ASB2: variants seen among roughly 807,000 people sequenced by gnomAD.
ASB2 encodes the protein ankyrin repeat and SOCS box containing 2.
In ASB2, 58 loss-of-function variants were observed where a neutral mutation model predicts 62.4. The ratio of observed to expected loss-of-function variants is 0.93; its 90% CI spans 0.75 to 1.16. The LOEUF (loss-of-function observed/expected upper bound fraction) is 1.16. Ranked by LOEUF, ASB2 falls within the 50% of genes most tolerant of loss-of-function variation. The pLI is 0.00. For synonymous variants in ASB2, 386 were observed against 385.3 expected, an observed-to-expected ratio of 1.00 and a Z score of -0.02; for missense variants, 928 against 887.9, an observed-to-expected ratio of 1.05 and a Z score of -0.57.
In ASB2 at chr14:93,964,432, C is replaced by A; in HGVS notation, c.108G>T (p.Glu36Asp). 1 of 1,536,104 alleles carries A rather than the reference C, an allele frequency of 6.5e-7. No individual in the cohort carries two copies. Among genetic ancestry groups the A allele is most frequent in the Non-Finnish European group, 8.7e-7 (1 of 1,146,894 alleles). The change falls in exon 2 of 10, where the codon GAG becomes GAT. Residue 36 changes from glutamate to aspartate, a missense_variant. Transcript: ENST00000555019. ...SEDELVQMAI[E>D]QSLADKTRGP... ...CCCTTGTCTTGTCCGCTAGGCTCTGCTCGATGGCCATCTGCACCAGTTCAT... is the reference window on the plus strand; with the variant it reads ...CCCTTGTCTTGTCCGCTAGGCTCTGATCGATGGCCATCTGCACCAGTTCAT...
At chr14:93,974,769 T>C (rs1889862324) in intron 1 of ASB2, among the ~76,000 whole-genome samples, 1 of 152,236 alleles carries the variant, frequency 6.6e-6, no homozygotes, top group African/African-American at 2.4e-5. Context: ...AACGATCACC[T>C]GTAACTCATG....
At chr14:93,943,730 G>A (rs1050611983) in intron 7 of ASB2, among the ~76,000 whole-genome samples, 9 of 152,342 alleles carry the variant, frequency 5.9e-5, no homozygotes, top group Middle Eastern at 3.4e-3. Context: ...ACACTTCTGA[G>A]CTTCACTGTG....
intron 3 of ASB2, 96 bp from the exon 4 acceptor site, chr14:93,954,579 C>G: frequency 8.8e-7 from 1 of 1,133,532 alleles, no homozygotes; most frequent in East Asian, 2.4e-5. Flanking sequence ...GTCACTCGGT[C>G]CTCGTCCCTG....
At position 93,956,941 on chromosome 14, in the gene ASB2, G is replaced by A. The variant is rs764620347; in HGVS notation, c.207-71C>T. 16 of 1,602,028 alleles carry A rather than the reference G, an allele frequency of 1.0e-5. No homozygotes were observed. In the East Asian group the frequency reaches 3.1e-4, roughly 32 times the overall value. On this transcript the variant is annotated intron_variant, in intron 2 of 9. Coordinates refer to ENST00000555019, the MANE Select transcript of ASB2 (RefSeq NM_001202429.2). ...TAGGAGAAGCGGGTCATGGCTTCAG[G>A]CAGGAATGAGGATGGAGGGAGAGCC...
chr14:93,954,484 C>T lies in ASB2; in HGVS notation c.312-1G>A. The T allele has an allele frequency of 2.5e-6, 4 of 1,614,128 alleles. No homozygotes were observed. Among genetic ancestry groups the T allele is most frequent in the Non-Finnish European group, 3.4e-6 (4 of 1,179,982 alleles). On this transcript the variant is annotated splice_acceptor_variant, in intron 3 of 9. Coordinates refer to ENST00000555019, the MANE Select transcript of ASB2 (RefSeq NM_001202429.2). LOFTEE classifies it high-confidence loss of function. Reference sequence around the variant, plus strand: ...GGCCTTTATCAAGGGGTCCGCAGGCCTGTGAGAGGAAGGAGTGGGTCAGTC... The same window carrying T: ...GGCCTTTATCAAGGGGTCCGCAGGCTTGTGAGAGGAAGGAGTGGGTCAGTC...
At chr14:93,960,330 A>T (rs2141307150) in intron 2 of ASB2, among the ~76,000 whole-genome samples, 1 of 152,180 alleles carries the variant, frequency 6.6e-6, no homozygotes, top group African/African-American at 2.4e-5. Context: ...CCCTCATTAG[A>T]CTGTGATCTT....
chr14:93,971,024 G>A (rs1310228828), intron 1 of ASB2, among the ~76,000 whole-genome samples: 1 of 152,210 alleles, frequency 6.6e-6, no homozygotes, highest in African/African-American at 2.4e-5. Flanking sequence ...ACCTGTTCCT[G>A]CTGGGAGGAT....
At chr14:93,964,148 A>G (rs911213940) in intron 2 of ASB2, among the ~76,000 whole-genome samples, 186 bp downstream of exon 2, 9 of 152,194 alleles carry the variant, frequency 5.9e-5, no homozygotes, top group African/African-American at 2.2e-4. Flanking sequence ...GAGTGTGTAT[A>G]GCACCCACTT....
intron 1 of ASB2, among the ~76,000 whole-genome samples, chr14:93,970,125 G>A (rs1889718202): frequency 6.6e-6 from 1 of 152,218 alleles, no homozygotes. Flanking sequence ...GCGGTGGATG[G>A]GGTGGGTCTA....
chr14:93,941,699 G>A, intron 7 of ASB2: 1 of 456,166 alleles, frequency 2.2e-6, no homozygotes, highest in Non-Finnish European at 4.4e-6. Flanking sequence ...AACAGTGAGA[G>A]GGGCTGCCCC....
chr14:93,954,138 G>A (rs1595317664), intron 4 of ASB2, 179 bp downstream of exon 4: 1 of 604,282 alleles, frequency 1.7e-6, no homozygotes, highest in East Asian at 2.8e-5. Context: ...TGGCAGCAGG[G>A]GGTGGGGACA....
chr14:93,954,181 C>T, intron 4 of ASB2, 136 bp downstream of exon 4: 1 of 736,184 alleles, frequency 1.4e-6, no homozygotes, highest in Admixed American at 2.2e-5. Flanking sequence ...CCATGACTAA[C>T]TGACAAATGA....
rs767323808 is a variant in ASB2, at chr14:93,954,320, G to A, written c.475C>T (p.Arg159Ter). 8.3e-5 allele frequency: 134 copies of A among 1,612,416 alleles called. No individual in the cohort carries two copies. The highest frequency in any genetic ancestry group is 6.2e-5 in the Non-Finnish European group (73 of 1,179,540). Residue 159 changes from arginine (R) to a stop codon, truncating the protein, a stop_gained, in exon 4 of 10, where the codon CGA becomes TGA. Transcript: ENST00000555019. LOFTEE classifies it high-confidence loss of function. ...GQVGCLKVLQRAYPGTIDQRT... is the reference protein window; with the variant it reads ...GQVGCLKVLQ ...ACCGTCAGAGCCCAGCCCTCACCTC[G>A]CTGCAGGACTTTCAGGCAGCCCACC...
chr14:93,957,144 C>G (rs976545618), intron 2 of ASB2: 14 of 1,354,566 alleles, frequency 1.0e-5, no homozygotes, highest in Non-Finnish European at 1.3e-5. Context: ...CCCCCCGGTC[C>G]CCCTCCCCAG....
intron 1 of ASB2, among the ~76,000 whole-genome samples, chr14:93,964,886 C>G (rs1293438944): frequency 4.6e-5 from 7 of 152,160 alleles, no homozygotes; most frequent in African/African-American, 1.7e-4. Flanking sequence ...ATCTACCTTC[C>G]CATCCATCCA....
chr14:93,945,970 T>C (rs1888707748), intron 7 of ASB2, among the ~76,000 whole-genome samples: 1 of 152,242 alleles, frequency 6.6e-6, no homozygotes, highest in South Asian at 2.1e-4. Flanking sequence ...AATGAAATGT[T>C]TTTAAAATTG....
At chr14:93,963,452 T>C (rs1889476826) in intron 2 of ASB2, among the ~76,000 whole-genome samples, 1 of 152,142 alleles carries the variant, frequency 6.6e-6, no homozygotes, top group Admixed American at 6.5e-5. Flanking sequence ...TCCAAATGCA[T>C]TTTGAGATCA....
At chr14:93,955,620 G>A (rs1049361791) in intron 3 of ASB2, 1 of 169,642 alleles carries the variant, frequency 5.9e-6, no homozygotes, top group African/African-American at 2.4e-5. Flanking sequence ...CGTGGCCTTG[G>A]CGAGCAGGGC....
intron 2 of ASB2, chr14:93,957,210 G>C (rs1889257948): frequency 7.8e-7 from 1 of 1,280,396 alleles, no homozygotes; most frequent in Non-Finnish European, 9.9e-7. Flanking sequence ...CCAGGAGGAT[G>C]TGAGCCGTGG....
Sources: gnomAD v4.1 joint callset for allele counts (sites outside exome capture counted in the v4.1 genomes callset) on GRCh38, gnomAD v4.1.1 for gene constraint, MANE v1.5 for transcripts, NCBI Gene and HGNC (gene_info 2026-07-23, HGNC 2026-07-21) for gene names.